AAGAB: variants seen among roughly 807,000 people sequenced by gnomAD.
AAGAB encodes alpha and gamma adaptin binding protein.
A neutral mutation model predicts 44.1 loss-of-function variants in AAGAB; 38 were observed. The ratio of observed to expected loss-of-function variants is 0.86; its 90% CI spans 0.67 to 1.13. AAGAB has a LOEUF of 1.13. Ranked by LOEUF, AAGAB falls within the 50% of genes most tolerant of loss-of-function variation. The pLI is 0.00. For missense variants in AAGAB, 450 were observed against 373.8 expected (o/e 1.20, Z -1.68); for synonymous variants, 131 against 131.8 (o/e 0.99, Z 0.04).
At chr15:67,243,536 A>G (rs1461007156) in intron 1 of AAGAB, among the ~76,000 whole-genome samples, 1 of 152,166 alleles carries the variant, frequency 6.6e-6, no homozygotes, top group African/African-American at 2.4e-5. Context: ...GGGGGATGCC[A>G]CTAGCATCTA....
At chr15:67,221,302 T>C (rs1294771922) in intron 5 of AAGAB, 3 of 152,242 alleles carry the variant, frequency 2.0e-5, no homozygotes. Flanking sequence ...CTCAGCATTA[T>C]GACACAAAGT....
At chr15:67,223,883 C>G (rs1595993028) in intron 5 of AAGAB, among the ~76,000 whole-genome samples, 1 of 152,204 alleles carries the variant, frequency 6.6e-6, no homozygotes, top group Non-Finnish European at 1.5e-5. Context: ...CACCTTAGGG[C>G]CTTTGCTATA....
chr15:67,243,333 T>C (rs530127212), intron 1 of AAGAB, among the ~76,000 whole-genome samples: 35 of 152,278 alleles, frequency 2.3e-4, no homozygotes, highest in Non-Finnish European at 4.0e-4. Flanking sequence ...CAAAGACCAC[T>C]TTGTCAATCC....
upstream of AAGAB, chr15:67,254,760 C>A: frequency 7.6e-7 from 1 of 1,317,570 alleles, no homozygotes; most frequent in South Asian, 1.3e-5. Context: ...TGACCCCGCC[C>A]CTAGACCCCC....
intron 5 of AAGAB, among the ~76,000 whole-genome samples, chr15:67,224,769 T>C (rs747951887): frequency 6.6e-6 from 1 of 151,998 alleles, no homozygotes; most frequent in Non-Finnish European, 1.5e-5. Flanking sequence ...TTTGTAGAGA[T>C]GAGGTTTCAC....
chr15:67,249,097 T>G lies in AAGAB; in HGVS notation c.73+5462A>C, dbSNP rs1205593905. ...TCACCCATGCTGGAGTGCAGTGGCG[T>G]GATCTGAGCTTACTAGAACCTCCAC... is the stretch of plus-strand genomic sequence containing the variant. On this transcript the variant is annotated intron_variant, in intron 1 of 9. Coordinates refer to ENST00000261880, the MANE Select transcript of AAGAB (RefSeq NM_024666.5). Among the ~76,000 whole-genome samples, 5 of 152,192 alleles carry G rather than the reference T, an allele frequency of 3.3e-5. No individual in the cohort carries two copies. The East Asian group carries it at 9.6e-4, about 29-fold the overall frequency.
intron 1 of AAGAB, among the ~76,000 whole-genome samples, chr15:67,240,276 T>C (rs1417413779): frequency 1.3e-5 from 2 of 152,218 alleles, no homozygotes; most frequent in African/African-American, 2.4e-5. Flanking sequence ...TGTTGTTTTT[T>C]TGTTTTTTGC....
intron 5 of AAGAB, among the ~76,000 whole-genome samples, chr15:67,222,282 A>ACACACACACACACACACACACACACCC (rs796412643): frequency 6.4e-5 from 9 of 139,928 alleles, no homozygotes; most frequent in Admixed American, 1.5e-4. Flanking sequence ...ACACACACAC[A>ACACACACACACACACACACACACACCC]CCCTCCACCC....
chr15:67,254,488 C>A, intron 1 of AAGAB, 71 bp downstream of exon 1: 2 of 1,518,276 alleles, frequency 1.3e-6, no homozygotes, highest in Non-Finnish European at 8.9e-7. Flanking sequence ...CCAGAGAGGC[C>A]GTGGTGCTGG....
upstream of AAGAB, chr15:67,254,968 G>GGCCCT (rs755260706): frequency 6.5e-5 from 105 of 1,608,858 alleles, 1 homozygote; most frequent in Admixed American, 1.6e-3. Flanking sequence ...GGCTTCCCCC[G>GGCCCT]GCCCTGCCCT....
At chr15:67,222,242 GCACACACACACACACA>G (rs370826027) in intron 5 of AAGAB, among the ~76,000 whole-genome samples, 6 of 90,044 alleles carry the variant, frequency 6.7e-5, no homozygotes, top group East Asian at 6.1e-4. Flanking sequence ...GCGCGCGCGC[GCACACACACACACACA>G]CACACACACA....
Position 67,254,590 on chromosome 15 carries a change from G to C in AAGAB, c.42C>G (p.Ser14=). ...CCAGCTGGTCTCCTGAGAAGACGGA[G>C]GAGCAGCTGGTGACTAACGCACAGG... The part of the protein sequence containing the change: ...GVPCALVTSC[S]SVFSGDQLVQ... The change falls in exon 1 of 10, where the codon TCC becomes TCG. Residue 14 remains serine (S), a synonymous_variant. Coordinates refer to ENST00000261880, the MANE Select transcript of AAGAB (RefSeq NM_024666.5). 1 of 1,609,912 alleles carries C rather than the reference G, an allele frequency of 6.2e-7. No individual in the cohort carries two copies. Among genetic ancestry groups the C allele is most frequent in the Non-Finnish European group, 8.5e-7 (1 of 1,179,088 alleles).
intron 5 of AAGAB, among the ~76,000 whole-genome samples, chr15:67,214,262 T>C (rs2140352094): frequency 6.6e-6 from 1 of 152,378 alleles, no homozygotes; most frequent in East Asian, 1.9e-4. Flanking sequence ...GTACGCTGAA[T>C]AACTCAGGAC....
chr15:67,234,424 T>G (rs1359265931), intron 4 of AAGAB, among the ~76,000 whole-genome samples: 1 of 152,074 alleles, frequency 6.6e-6, no homozygotes. Flanking sequence ...GAACCAAAAA[T>G]GTGGTCTGAA....
intron 5 of AAGAB, among the ~76,000 whole-genome samples, chr15:67,217,798 C>T (rs564504144): frequency 1.3e-5 from 2 of 152,272 alleles, no homozygotes; most frequent in African/African-American, 4.8e-5. Context: ...GGCCTCCCAA[C>T]ATGCTGGAAT....
In AAGAB at chr15:67,236,642, A is replaced by G. The variant is rs757328023; in HGVS notation, c.252T>C (p.Phe84=). The G allele has an allele frequency of 1.2e-6, 2 of 1,613,258 alleles. No homozygotes were observed. Among genetic ancestry groups the G allele is most frequent in the South Asian group, 2.2e-5 (2 of 90,674 alleles). The change falls in exon 2 of 10, where the codon TTT becomes TTC. Residue 84 remains phenylalanine (F), a synonymous_variant. Coordinates refer to ENST00000261880, the MANE Select transcript of AAGAB (RefSeq NM_024666.5). ...AESVQAFVVY[F]DSTQKSGLDS... ...AACAAAGTCTTACTTGTGTGCTGTC[A>G]AAGTAAACCACAAATGCTTGGACAG...
rs760092902 is a variant in AAGAB at position 67,236,390 on chromosome 15, C to T, written c.361+18G>A. On this transcript the variant is annotated intron_variant, in intron 3 of 9. Transcript: ENST00000261880. ...GGCAAATGCATGTACCAACTACTGT[C>T]CCATCCACAGGCCTTACCATCTTCA... 19 of 1,607,262 alleles carry T rather than the reference C, an allele frequency of 1.2e-5. No individual in the cohort carries two copies. The East Asian group carries it at 2.2e-4, about 19-fold the overall frequency.
chr15:67,249,286 C>T lies in AAGAB; in HGVS notation c.73+5273G>A, dbSNP rs569486891. Among the ~76,000 whole-genome samples, 18 of 152,240 alleles carry T rather than the reference C, an allele frequency of 1.2e-4. 1 individual carries two copies. The South Asian group carries it at 3.3e-3, about 28-fold the overall frequency. ...CTGACCTCAGGTGATCAGCCCCCCTCGGACTCCCAAAGTGCTGGGATTACA... is the reference window on the plus strand; with the variant it reads ...CTGACCTCAGGTGATCAGCCCCCCTTGGACTCCCAAAGTGCTGGGATTACA... On this transcript the variant is annotated intron_variant, in intron 1 of 9. Coordinates refer to ENST00000261880, the MANE Select transcript of AAGAB (RefSeq NM_024666.5).
intron 5 of AAGAB, among the ~76,000 whole-genome samples, chr15:67,226,536 G>A (rs1436597814): frequency 6.6e-6 from 1 of 152,088 alleles, no homozygotes; most frequent in Non-Finnish European, 1.5e-5. Context: ...AGTTGTAAGA[G>A]TTCTTTATAT....
Sources: allele counts gnomAD v4.1 joint callset (sites outside exome capture counted in the v4.1 genomes callset), GRCh38; gene constraint gnomAD v4.1.1; transcripts MANE v1.5; gene names NCBI Gene and HGNC (gene_info 2026-07-23, HGNC 2026-07-21).